The following AP2A2 variants were observed in gnomAD, a reference collection of about 807,000 sequenced individuals.
AP2A2 encodes adaptor related protein complex 2 subunit alpha 2, also known as AP-2 complex subunit alpha-2.
Under a neutral mutation model 104.2 loss-of-function variants are expected in AP2A2, and 32 were observed. That is an observed-to-expected ratio of 0.31 (90% CI 0.23 to 0.41). The LOEUF (loss-of-function observed/expected upper bound fraction) is 0.41. AP2A2 is among the 10% of genes least tolerant of loss of function. The pLI, the probability that AP2A2 is intolerant of heterozygous loss-of-function variation, is 1.00. For synonymous variants in AP2A2, 539 were observed against 533.3 expected, an observed-to-expected ratio of 1.01 and a Z score of -0.15; for missense variants, 912 against 1,261.0, an observed-to-expected ratio of 0.72 and a Z score of 4.19.
intron 5 of AP2A2, 147 bp from the exon 6 acceptor site, chr11:981,051 T>G (rs1418572135): frequency 1.6e-6 from 1 of 610,110 alleles, no homozygotes; most frequent in Non-Finnish European, 2.9e-6. Flanking sequence ...GGGAGAACAT[T>G]GTAGGTTTCT....
At chr11:1,010,389 G>A in intron 21 of AP2A2, 159 bp from the exon 22 acceptor site, 1 of 620,002 alleles carries the variant, frequency 1.6e-6, no homozygotes, top group Non-Finnish European at 2.8e-6. Context: ...CAGTTTTCAT[G>A]CTGACAGTGT....
In AP2A2 at chr11:993,532, G is replaced by T. The variant is rs1855734790; in HGVS notation, c.1550+151G>T. Reference sequence around the variant, plus strand: ...GGCGTCTTTTTGTTTTCCTTCAGTTGATAGAAAAAGCAGGGATTCTAGTAG... The same window carrying T: ...GGCGTCTTTTTGTTTTCCTTCAGTTTATAGAAAAAGCAGGGATTCTAGTAG... On this transcript the variant is annotated intron_variant, in intron 12 of 21. Transcript: ENST00000448903. The surrounding 1 kb of genome is among the most constrained non-coding windows in gnomAD (Gnocchi z 8.2). Among the ~76,000 whole-genome samples the T allele has an allele frequency of 6.6e-6, 1 of 152,136 alleles. No homozygotes were observed. Among genetic ancestry groups the T allele is most frequent in the African/African-American group, 2.4e-5 (1 of 41,424 alleles).
At chr11:1,007,604 C>T (rs990710611) in intron 17 of AP2A2, 3 of 261,602 alleles carry the variant, frequency 1.1e-5, no homozygotes, top group African/African-American at 2.3e-5. Context: ...ACCCTGGTCC[C>T]AGCAGGGCAG....
intron 1 of AP2A2, among the ~76,000 whole-genome samples, chr11:937,707 A>T (rs1196138760): frequency 2.0e-5 from 3 of 152,244 alleles, no homozygotes; most frequent in Non-Finnish European, 4.4e-5. Context: ...AATTTATTGA[A>T]TACTGTATGA....
At chr11:939,645 A>G (rs1853577678) in intron 1 of AP2A2, among the ~76,000 whole-genome samples, 1 of 151,906 alleles carries the variant, frequency 6.6e-6, no homozygotes, top group African/African-American at 2.4e-5. Context: ...GAGTTTCACC[A>G]TGTTGACCAG....
In AP2A2 at chr11:1,004,270, C is replaced by T. The variant is rs563830412; in HGVS notation, c.2206+466C>T. Reference sequence around the variant, plus strand: ...GGCAGATCACTTGAGGCCAGGAGTTCGAGACTGGCCTGGCTAACATGGTGA... The same window carrying T: ...GGCAGATCACTTGAGGCCAGGAGTTTGAGACTGGCCTGGCTAACATGGTGA... On this transcript the variant is annotated intron_variant, in intron 16 of 21. Transcript: ENST00000448903. Among the ~76,000 whole-genome samples the T allele has an allele frequency of 3.9e-4, 59 of 151,930 alleles. No individual in the cohort carries two copies. In the Middle Eastern group the frequency reaches 0.01, roughly 26 times the overall value.
At chr11:945,115 G>A (rs927381518) in intron 1 of AP2A2, among the ~76,000 whole-genome samples, 3 of 152,090 alleles carry the variant, frequency 2.0e-5, no homozygotes, top group Admixed American at 6.6e-5. Context: ...GGGATGGTCT[G>A]GAAAGGGTGG....
chr11:960,141 T>C (rs1340391342), intron 2 of AP2A2, among the ~76,000 whole-genome samples: 1 of 151,822 alleles, frequency 6.6e-6, no homozygotes, highest in Non-Finnish European at 1.5e-5. Context: ...CTGACCCCTG[T>C]GGAACTGGAG....
chr11:967,108 A>C (rs949493024), intron 2 of AP2A2, among the ~76,000 whole-genome samples: 1 of 151,944 alleles, frequency 6.6e-6, no homozygotes, highest in African/African-American at 2.4e-5. Flanking sequence ...TGGAGGTTGC[A>C]GTGAGCCAAG....
rs781565133 is a variant in AP2A2 at position 1,011,458 on chromosome 11, C to T, written c.*833C>T. The T allele has an allele frequency of 1.6e-5, 8 of 495,916 alleles. 1 individual carries two copies. The highest frequency in any genetic ancestry group is 7.3e-5 in the South Asian group (5 of 68,680). The allele number at this position is 495,916 out of a possible 1,614,324, so 30.7% of individuals were successfully genotyped here. ...CAGGCCTGAGTCCTTCCACCGGCCC[C>T]GTCCAGTCGTCCCTGGAGGGGCTGT... On this transcript the variant is annotated 3_prime_UTR_variant, in exon 22 of 22. Coordinates refer to ENST00000448903, the MANE Select transcript of AP2A2 (RefSeq NM_012305.4).
rs1441321735 is a variant in AP2A2 at position 1,009,647 on chromosome 11, G to GC, written c.2608-35dup. 7.2e-6 allele frequency: 11 copies of GC among 1,537,526 alleles called. No individual in the cohort carries two copies. The Admixed American group carries it at 1.5e-4, about 21-fold the overall frequency. On this transcript the variant is annotated intron_variant, in intron 20 of 21. Coordinates refer to ENST00000448903, the MANE Select transcript of AP2A2 (RefSeq NM_012305.4). Reference sequence around the variant, plus strand: ...CGGGGGACACGCTGCCCGCGACCCCGCGCCAGGGTCCTCATTCTCCTGTTT... The same window carrying GC: ...CGGGGGACACGCTGCCCGCGACCCCGCCGCCAGGGTCCTCATTCTCCTGTTT...
chr11:960,535 G>T (rs2134567891), intron 2 of AP2A2, among the ~76,000 whole-genome samples: 1 of 151,752 alleles, frequency 6.6e-6, no homozygotes. Flanking sequence ...ACTGTGCCCG[G>T]CCCAGCTGAT....
intron 1 of AP2A2, chr11:932,592 T>G (rs1244816561): frequency 9.9e-6 from 4 of 402,026 alleles, no homozygotes; most frequent in Non-Finnish European, 2.0e-5. Context: ...CTTGCATGTC[T>G]TCTTTTGCAT....
rs1168574556 is a variant in AP2A2 at position 1,002,704 on chromosome 11, GA to G, written c.2124-1017del. Among the ~76,000 whole-genome samples, 3 of 152,384 alleles carry G rather than the reference GA, an allele frequency of 2.0e-5. No homozygotes were observed. The East Asian group carries it at 5.8e-4, about 29-fold the overall frequency. ...TCCTGGCCTGGTCTCCATACAGCAGGATGCCGATGAGAAGGTTGGCAGCACT... is the reference window on the plus strand; with the variant it reads ...TCCTGGCCTGGTCTCCATACAGCAGGTGCCGATGAGAAGGTTGGCAGCACT... On this transcript the variant is annotated intron_variant, in intron 15 of 21. Transcript: ENST00000448903.
chr11:936,255 C>T (rs1373550329), intron 1 of AP2A2, among the ~76,000 whole-genome samples: 1 of 146,610 alleles, frequency 6.8e-6, no homozygotes, highest in Non-Finnish European at 1.5e-5. Flanking sequence ...TGCTGTCGCC[C>T]AGGCTGGAGT....
In AP2A2 at chr11:969,219, C is replaced by CTT. The variant is rs1564799363; in HGVS notation, c.137-950_137-949insTT. On this transcript the variant is annotated intron_variant, in intron 2 of 21. Transcript: ENST00000448903. ...GAAACTCCTGGCAATGTAGAACAGC[C>CTT]CTTTTTTTTTTTTTTTTTTTTTTTT... Among the ~76,000 whole-genome samples the CTT allele has an allele frequency of 1.3e-3, 147 of 112,836 alleles. 3 individuals are homozygous for CTT. The highest frequency in any genetic ancestry group is 2.1e-3 in the Non-Finnish European group (112 of 54,334). The allele number at this position is 112,836 out of a possible 152,430, so 74.0% of individuals were successfully genotyped here.
At chr11:930,566 G>T (rs566721915) in intron 1 of AP2A2, among the ~76,000 whole-genome samples, 1 of 151,992 alleles carries the variant, frequency 6.6e-6, no homozygotes, top group East Asian at 1.9e-4. Context: ...TGTCGCCCAG[G>T]CTGGAGTGCA....
At chr11:983,817 T>A (rs1855353857) in intron 6 of AP2A2, among the ~76,000 whole-genome samples, 1 of 152,220 alleles carries the variant, frequency 6.6e-6, no homozygotes, top group Non-Finnish European at 1.5e-5. Flanking sequence ...AGACAGCTCA[T>A]GTTGGCCGTG....
chr11:991,900 A>C (rs1476708001), intron 10 of AP2A2, among the ~76,000 whole-genome samples: 1 of 151,322 alleles, frequency 6.6e-6, no homozygotes, highest in African/African-American at 2.4e-5. Flanking sequence ...GACTTTGGGG[A>C]GATGAGTTTG....
Sources: gnomAD v4.1 joint callset for allele counts (sites outside exome capture counted in the v4.1 genomes callset) on GRCh38, gnomAD v4.1.1 for gene constraint, Gnocchi (gnomAD v3.1) non-coding constraint, MANE v1.5 for transcripts, NCBI Gene and HGNC (gene_info 2026-07-23, HGNC 2026-07-21) for gene names.